TCF4: variants seen among roughly 807,000 people sequenced by gnomAD.
TCF4 encodes the protein transcription factor 4, also known as SL3-3 enhancer factor 2.
TCF4 carries 3 observed loss-of-function variants against 82.1 expected under a neutral mutation model. The observed-to-expected ratio is 0.04, with a 90% CI of 0.02 to 0.09. The LOEUF is 0.09. Among genes scored for constraint, TCF4 ranks in the 10% least tolerant of loss-of-function variants. TCF4 has a pLI of 1.00. For synonymous variants in TCF4, 276 were observed against 309.6 expected, an observed-to-expected ratio of 0.89 and a Z score of 1.14; for missense variants, 518 against 852.7, an observed-to-expected ratio of 0.61 and a Z score of 4.89.
At chr18:55,298,353 G>T (rs1340691724) in intron 8 of TCF4, among the ~76,000 whole-genome samples, 1 of 152,116 alleles carries the variant, frequency 6.6e-6, no homozygotes, top group Non-Finnish European at 1.5e-5. Flanking sequence ...ATGGTGTTAG[G>T]GCTGAGAAGA....
intron 8 of TCF4, among the ~76,000 whole-genome samples, chr18:55,302,094 A>G (rs1009780577): frequency 6.6e-6 from 1 of 152,250 alleles, no homozygotes; most frequent in Non-Finnish European, 1.5e-5. Context: ...CCTGATCCTC[A>G]GCAGTCCTCT....
intron 6 of TCF4, among the ~76,000 whole-genome samples, chr18:55,378,127 A>G (rs938516139): frequency 3.3e-5 from 5 of 152,200 alleles, no homozygotes; most frequent in Non-Finnish European, 5.9e-5. Flanking sequence ...GAAATTGCAA[A>G]GACTAATGTC....
chr18:55,229,061 C>T lies in TCF4; in HGVS notation c.1665G>A (p.Glu555=). The T allele has an allele frequency of 6.2e-7, 1 of 1,614,112 alleles. No individual in the cohort carries two copies. The highest frequency in any genetic ancestry group is 8.5e-7 in the Non-Finnish European group (1 of 1,180,022). ...TRSRSSNNDD[E]DLTPEQKAER... ...CTGCCTTCTGCTCTGGTGTCAGGTCCTCATCGTCATTATTGCTGTGGGACA... is the reference window on the plus strand; with the variant it reads ...CTGCCTTCTGCTCTGGTGTCAGGTCTTCATCGTCATTATTGCTGTGGGACA... Residue 555 remains glutamate (E), a synonymous_variant, in exon 18 of 20, where the codon GAG becomes GAA. Coordinates refer to ENST00000354452, the MANE Select transcript of TCF4 (RefSeq NM_001083962.2).
In TCF4 at chr18:55,514,617, T is replaced by C. The variant is rs139155145; in HGVS notation, c.146-50480A>G. 8.7e-4 allele frequency among the ~76,000 whole-genome samples: 133 copies of C among 152,298 alleles called. 2 individuals are homozygous for C. The East Asian group carries it at 0.024, about 28-fold the overall frequency. ...TGATTATCTCAATTCTTAAACTTTG[T>C]TCTTACAGGTTCATCACAATTAAAG... On this transcript the variant is annotated intron_variant, in intron 3 of 19. Transcript: ENST00000354452.
intron 15 of TCF4, among the ~76,000 whole-genome samples, chr18:55,250,352 A>T (rs1231044348): frequency 6.6e-6 from 1 of 152,154 alleles, no homozygotes; most frequent in African/African-American, 2.4e-5. Flanking sequence ...CTGCTCTGGG[A>T]ACCCAGCCAT....
chr18:55,599,680 C>CA (rs2097694740), intron 2 of TCF4, among the ~76,000 whole-genome samples: 1 of 152,182 alleles, frequency 6.6e-6, no homozygotes, highest in South Asian at 2.1e-4. Context: ...GAGATCGTGC[C>CA]ACTGCACTCC....
intron 3 of TCF4, among the ~76,000 whole-genome samples, chr18:55,554,400 A>G (rs2097286731): frequency 6.6e-6 from 1 of 152,132 alleles, no homozygotes; most frequent in Admixed American, 6.6e-5. Context: ...TAATAAGGGT[A>G]CACACTGAAT....
intron 3 of TCF4, among the ~76,000 whole-genome samples, chr18:55,491,462 A>G (rs895015870): frequency 5.3e-5 from 8 of 152,214 alleles, no homozygotes; most frequent in Non-Finnish European, 8.8e-5. Context: ...ATCCATCTGC[A>G]TATGCAATTA....
chr18:55,572,061 C>T (rs1294122346), intron 3 of TCF4, among the ~76,000 whole-genome samples: 3 of 152,154 alleles, frequency 2.0e-5, no homozygotes, highest in Non-Finnish European at 4.4e-5. Flanking sequence ...CACTATGCTA[C>T]CAATTCACCT....
At chr18:55,230,916 A>C (rs2144525774) in intron 17 of TCF4, 1 of 152,374 alleles carries the variant, frequency 6.6e-6, no homozygotes, top group East Asian at 1.9e-4. Flanking sequence ...GAAGGAGAAA[A>C]GTTAGGGGCA....
chr18:55,478,619 G>A (rs1252122335), intron 3 of TCF4, among the ~76,000 whole-genome samples: 1 of 151,996 alleles, frequency 6.6e-6, no homozygotes, highest in Non-Finnish European at 1.5e-5. Context: ...GCAAGCTTCC[G>A]AAATGCAGAA....
chr18:55,392,057 A>G (rs1461510467), intron 6 of TCF4, among the ~76,000 whole-genome samples: 2 of 116,720 alleles, frequency 1.7e-5, no homozygotes, highest in South Asian at 3.1e-4. Context: ...TCCGCCTCCC[A>G]GGTTCAAGCA....
Position 55,632,132 on chromosome 18 carries a change from G to A in TCF4, c.196-744C>T, listed in dbSNP as rs1309774487. The stretch of plus-strand genomic sequence containing the variant: ...CGGCTTGCTGCAAGCTCCGCCTCCC[G>A]GGTTCAGGCCATTCTCCTGCCTCAG... On this transcript the variant is annotated intron_variant, in intron 1 of 20. Coordinates refer to the TCF4 transcript ENST00000398339. Among the ~76,000 whole-genome samples, 8 of 152,232 alleles carry A rather than the reference G, an allele frequency of 5.3e-5. No homozygotes were observed. In the East Asian group the frequency reaches 9.7e-4, roughly 18 times the overall value.
intron 2 of TCF4, among the ~76,000 whole-genome samples, chr18:55,621,779 T>C (rs1210076988): frequency 1.1e-5 from 1 of 91,254 alleles, no homozygotes; most frequent in African/African-American, 4.4e-5. Flanking sequence ...ATATATAATA[T>C]AATATATATT....
chr18:55,554,601 A>G (rs920759577), intron 3 of TCF4, among the ~76,000 whole-genome samples: 1 of 152,212 alleles, frequency 6.6e-6, no homozygotes, highest in Non-Finnish European at 1.5e-5. Flanking sequence ...TATTAAAAAC[A>G]TATCTGTGGA....
intron 5 of TCF4, among the ~76,000 whole-genome samples, chr18:55,451,803 T>C (rs998940162): frequency 1.3e-5 from 2 of 152,272 alleles, no homozygotes; most frequent in African/African-American, 4.8e-5. Flanking sequence ...ATTTTAAGTA[T>C]AGGGCTTATG....
intron 8 of TCF4, chr18:55,321,442 A>T: frequency 1.5e-6 from 1 of 655,704 alleles, no homozygotes; most frequent in Non-Finnish European, 2.6e-6. Context: ...AAAGCTCTGA[A>T]AGCATCTATT....
At chr18:55,510,108 CCT>C (rs34305169) in intron 3 of TCF4, among the ~76,000 whole-genome samples, 12,149 of 152,092 alleles carry the variant, frequency 0.08, 1,039 homozygotes, top group African/African-American at 0.22. Flanking sequence ...CAAGTCTCCC[CCT>C]GATGTTCTAT....
intron 5 of TCF4, among the ~76,000 whole-genome samples, chr18:55,417,716 A>G (rs967645467): frequency 2.6e-5 from 4 of 152,246 alleles, no homozygotes; most frequent in African/African-American, 9.6e-5. Context: ...GTCATTAGGG[A>G]CAACGTAATG....
Sources: gnomAD v4.1 joint callset for allele counts (sites outside exome capture counted in the v4.1 genomes callset) on GRCh38, gnomAD v4.1.1 for gene constraint, MANE v1.5 for transcripts, NCBI Gene and HGNC (gene_info 2026-07-23, HGNC 2026-07-21) for gene names.